Variants in TYW1B observed in about 807,000 individuals in gnomAD.
TYW1B encodes S-adenosyl-L-methionine-dependent tRNA 4-demethylwyosine synthase TYW1B.
In TYW1B, 73 loss-of-function variants were observed where a neutral mutation model predicts 86.9. That is an observed-to-expected ratio of 0.84 (90% confidence interval 0.70 to 1.02). TYW1B has a LOEUF of 1.02. Ranked by LOEUF, TYW1B falls within the 50% of genes least tolerant of loss-of-function variation. The pLI, the probability that TYW1B is intolerant of heterozygous loss-of-function variation, is 0.00. For synonymous variants in TYW1B, 248 were observed against 292.8 expected, an observed-to-expected ratio of 0.85 and a Z score of 1.56; for missense variants, 637 against 827.4, an observed-to-expected ratio of 0.77 and a Z score of 2.82.
chr7:72,699,808 C>A lies in TYW1B; in HGVS notation c.1371-4986G>T, dbSNP rs538091900. On this transcript the variant is annotated intron_variant, in intron 10 of 13. Transcript: ENST00000620995. ...GGTTCTACAGGCACGCACCACCACA[C>A]CTGCCTAATTTTTGTATTTTTAGTG... Among the ~76,000 whole-genome samples the A allele has an allele frequency of 1.5e-4, 23 of 152,140 alleles. No individual in the cohort carries two copies. The East Asian group carries it at 4.5e-3, about 29-fold the overall frequency.
chr7:72,703,979 T>TC (rs145005037), intron 10 of TYW1B, among the ~76,000 whole-genome samples: 145,479 of 152,254 alleles, frequency 0.96, 69,566 homozygotes, highest in East Asian at 1. Context: ...TCTTCAATAC[T>TC]CTACTAATTT....
chr7:72,619,598 G>A (rs1306198187), intron 12 of TYW1B, among the ~76,000 whole-genome samples: 4 of 143,704 alleles, frequency 2.8e-5, no homozygotes, highest in African/African-American at 5.2e-5. Context: ...CCGAGATTGC[G>A]CCACTGCAGT....
intron 11 of TYW1B, among the ~76,000 whole-genome samples, chr7:72,680,259 T>A (rs1554448157): frequency 1.3e-5 from 2 of 152,062 alleles, no homozygotes; most frequent in Non-Finnish European, 2.9e-5. Flanking sequence ...GATCCACCCC[T>A]CAATCTGGGT....
At chr7:72,803,197 C>T (rs1459670470) in intron 5 of TYW1B, among the ~76,000 whole-genome samples, 1 of 151,990 alleles carries the variant, frequency 6.6e-6, no homozygotes, top group African/African-American at 2.4e-5. Context: ...CATAGTGAAA[C>T]CCTCATCTCT....
chr7:72,733,297 A>T (rs1563075675), intron 8 of TYW1B, among the ~76,000 whole-genome samples: 1 of 152,194 alleles, frequency 6.6e-6, no homozygotes, highest in Non-Finnish European at 1.5e-5. Flanking sequence ...CCCTGAAAAC[A>T]AAACAGGACA....
intron 8 of TYW1B, among the ~76,000 whole-genome samples, chr7:72,740,733 CT>C (rs71071910): frequency 1.2e-3 from 159 of 137,348 alleles, no homozygotes; most frequent in East Asian, 5.9e-3. Flanking sequence ...ATGCAGTTTT[CT>C]TTTTTTTTTT....
intron 8 of TYW1B, among the ~76,000 whole-genome samples, chr7:72,743,374 C>G (rs570601488): frequency 6.6e-6 from 1 of 152,094 alleles, no homozygotes; most frequent in Non-Finnish European, 1.5e-5. Flanking sequence ...GTGGCGTCCC[C>G]CTTCTTTCCT....
chr7:72,637,053 G>C (rs1812686039), intron 11 of TYW1B, among the ~76,000 whole-genome samples: 1 of 152,108 alleles, frequency 6.6e-6, no homozygotes, highest in Non-Finnish European at 1.5e-5. Context: ...GAGCCCAGGA[G>C]GTGGAGGTTG....
At chr7:72,731,408 A>C (rs1268892919) in intron 8 of TYW1B, among the ~76,000 whole-genome samples, 1 of 150,600 alleles carries the variant, frequency 6.6e-6, no homozygotes, top group Admixed American at 6.6e-5. Flanking sequence ...AAAAAAAAAA[A>C]AAAAAAACAA....
At chr7:72,704,433 TAAAA>T (rs1162253814) in intron 10 of TYW1B, among the ~76,000 whole-genome samples, 3 of 93,234 alleles carry the variant, frequency 3.2e-5, no homozygotes, top group African/African-American at 4.3e-5. Context: ...GATTCTATCT[TAAAA>T]AAAAAAAAAA....
chr7:72,748,311 A>G (rs1251087675), intron 7 of TYW1B, among the ~76,000 whole-genome samples: 4 of 152,114 alleles, frequency 2.6e-5, no homozygotes, highest in African/African-American at 7.2e-5. Flanking sequence ...GTGCTTTGCT[A>G]TTGTATCCTG....
chr7:72,789,675 C>T (rs797034533), intron 6 of TYW1B, among the ~76,000 whole-genome samples: 7 of 151,752 alleles, frequency 4.6e-5, no homozygotes, highest in African/African-American at 1.7e-4. Flanking sequence ...CAGAGTGTTG[C>T]TATGTTGCCG....
Position 72,679,486 on chromosome 7 carries a change from C to T in TYW1B, c.1506+15201G>A, listed in dbSNP as rs576923505. Among the ~76,000 whole-genome samples, 14 of 152,090 alleles carry T rather than the reference C, an allele frequency of 9.2e-5. No individual in the cohort carries two copies. In the South Asian group the frequency reaches 2.1e-3, roughly 23 times the overall value. ...TAAATATAACAATGTGAATACGTCACGAGCATAATATCAAACAAAAGAAAA... is the reference window on the plus strand; with the variant it reads ...TAAATATAACAATGTGAATACGTCATGAGCATAATATCAAACAAAAGAAAA... On this transcript the variant is annotated intron_variant, in intron 11 of 13. Coordinates refer to ENST00000620995, the MANE Select transcript of TYW1B (RefSeq NM_001145440.3).
At chr7:72,629,045 C>CGTGA (rs1486424054) in intron 11 of TYW1B, 48 bp from the exon 12 acceptor site, 1 of 1,541,664 alleles carries the variant, frequency 6.5e-7, no homozygotes, top group African/African-American at 1.4e-5. Flanking sequence ...GTGGATGTCA[C>CGTGA]CTCTTAACCT....
chr7:72,771,430 T>A (rs1477890539), intron 7 of TYW1B, among the ~76,000 whole-genome samples: 1 of 152,234 alleles, frequency 6.6e-6, no homozygotes, highest in East Asian at 1.9e-4. Context: ...GTTCTACATC[T>A]ATCAAAATTT....
At chr7:72,689,055 A>G (rs1814077082) in intron 11 of TYW1B, among the ~76,000 whole-genome samples, 1 of 152,158 alleles carries the variant, frequency 6.6e-6, no homozygotes, top group Admixed American at 6.5e-5. Context: ...ATGCCTGTGG[A>G]TAGGGGTCCC....
chr7:72,802,463 G>C lies in TYW1B; in HGVS notation c.783C>G (p.Ser261Arg). The C allele has an allele frequency of 1.2e-6, 2 of 1,613,740 alleles. No homozygotes were observed. Among genetic ancestry groups the C allele is most frequent in the Non-Finnish European group, 1.7e-6 (2 of 1,179,816 alleles). ...EEEFGGEDHQ[S>R]LNSIVDVEDL... ...CTTCAACATCAACAATGGAATTTAG[G>C]CTCTGATGGTCCTCACCACCAAACT... Residue 261 changes from serine to arginine, a missense_variant, in exon 6 of 14, where the codon AGC becomes AGG. Physicochemically the swap from Ser to Arg is moderately radical, Grantham distance 110 (BLOSUM62 -1). Transcript: ENST00000620995.
intron 13 of TYW1B, among the ~76,000 whole-genome samples, chr7:72,596,851 GA>G (rs1490705692): frequency 1.3e-5 from 2 of 151,566 alleles, no homozygotes; most frequent in African/African-American, 4.9e-5. Flanking sequence ...AGAAAATGGG[GA>G]AAAAAATTGC....
rs1327372736 is a variant in TYW1B, at chr7:72,632,438, G to GTA, written c.1507-3443_1507-3442dup. Among the ~76,000 whole-genome samples the GTA allele has an allele frequency of 1.3e-3, 99 of 77,964 alleles. 3 individuals are homozygous for GTA. Among genetic ancestry groups the GTA allele is most frequent in the Middle Eastern group, 0.013 (2 of 154 alleles). 51.1% of individuals were successfully genotyped at this position (77,964 alleles called of 152,430 possible). A position where few individuals can be genotyped will look rare whatever the true frequency, so the allele number is the denominator to read the frequency against. On this transcript the variant is annotated intron_variant, in intron 11 of 13. Transcript: ENST00000620995. Reference sequence around the variant, plus strand: ...ATATATATATAAAATATATATATACGTATATATATAAAATATATATATACA... The same window carrying GTA: ...ATATATATATAAAATATATATATACGTATATATATATAAAATATATATATACA...
Sources: allele counts gnomAD v4.1 joint callset (sites outside exome capture counted in the v4.1 genomes callset), GRCh38; gene constraint gnomAD v4.1.1; transcripts MANE v1.5; gene names NCBI Gene and HGNC (gene_info 2026-07-23, HGNC 2026-07-21).